Variants in COL21A1 observed in about 807,000 individuals in gnomAD.
COL21A1 encodes collagen type XXI alpha 1 chain.
In COL21A1, 149 loss-of-function variants were observed where a neutral mutation model predicts 137.9. The observed-to-expected ratio is 1.08, with a 90% CI of 0.95 to 1.24. The LOEUF is 1.24. COL21A1 is among the 50% of genes most tolerant of loss of function. COL21A1 has a pLI of 0.00. For missense variants in COL21A1, 1,167 were observed against 1,158.4 expected (o/e 1.01, Z -0.11); for synonymous variants, 456 against 391.5 (o/e 1.16, Z -1.95).
At chr6:56,119,733 G>A (rs1772283003) in intron 16 of COL21A1, among the ~76,000 whole-genome samples, 1 of 152,076 alleles carries the variant, frequency 6.6e-6, no homozygotes, top group Non-Finnish European at 1.5e-5. Flanking sequence ...AAACAGAACA[G>A]AGAACCCAGA....
chr6:56,197,104 A>T (rs1205885934), intron 1 of COL21A1, among the ~76,000 whole-genome samples: 3 of 152,092 alleles, frequency 2.0e-5, no homozygotes, highest in Admixed American at 2.0e-4. Context: ...AATTTTCCAC[A>T]AAATGTCAAG....
In COL21A1 at chr6:56,255,742, C is replaced by T. The variant is rs565348918; in HGVS notation, c.-38-73086G>A. Among the ~76,000 whole-genome samples, 4 of 152,300 alleles carry T rather than the reference C, an allele frequency of 2.6e-5. No individual in the cohort carries two copies. In the East Asian group the frequency reaches 7.7e-4, roughly 29 times the overall value. On this transcript the variant is annotated intron_variant, in intron 1 of 28. Transcript: ENST00000370819. ...GAACCTGTGTATCTGAAAGATGTGG[C>T]TTCACCCTCAATGCTTCTAAAAGCT...
At chr6:56,108,966 CTT>C (rs1463715809) in intron 16 of COL21A1, among the ~76,000 whole-genome samples, 1 of 151,686 alleles carries the variant, frequency 6.6e-6, no homozygotes, top group Non-Finnish European at 1.5e-5. Context: ...ACTTTTAACT[CTT>C]TAAACAACTT....
intron 3 of COL21A1, among the ~76,000 whole-genome samples, chr6:56,176,311 GA>G (rs544091509): frequency 2.1e-3 from 315 of 150,392 alleles, no homozygotes; most frequent in Middle Eastern, 0.01. Context: ...CAGCAAAGGA[GA>G]AAAAAAACTC....
chr6:56,190,037 G>A lies in COL21A1; in HGVS notation c.-38-7381C>T, dbSNP rs189822579. ...AACATACACAATTGTAAAGACCATC[G>A]ACACCATGAAGAAACAAATTCAAAA... On this transcript the variant is annotated intron_variant, in intron 1 of 29. Transcript: ENST00000244728. Among the ~76,000 whole-genome samples the A allele has an allele frequency of 5.9e-5, 9 of 151,974 alleles. No homozygotes were observed. In the South Asian group the frequency reaches 8.3e-4, roughly 14 times the overall value.
At chr6:56,250,029 C>T (rs1417145423), upstream of COL21A1, among the ~76,000 whole-genome samples, 1 of 152,164 alleles carries the variant, frequency 6.6e-6, no homozygotes, top group East Asian at 1.9e-4. Context: ...TTTGTCATGG[C>T]TCTCTAGAGA....
intron 1 of COL21A1, among the ~76,000 whole-genome samples, chr6:56,211,175 ATACATATATATGTATATATG>A (rs1475610162): frequency 6.0e-4 from 7 of 11,640 alleles, no homozygotes; most frequent in African/African-American, 4.4e-3. Context: ...ATATGTATAT[ATACATATATATGTATATATG>A]TATATATACA....
intron 17 of COL21A1, among the ~76,000 whole-genome samples, chr6:56,098,753 T>C (rs1480867852): frequency 7.7e-6 from 1 of 129,682 alleles, no homozygotes; most frequent in African/African-American, 2.9e-5. Context: ...TCTTGCTCTG[T>C]CGCCCAGGCT....
At chr6:56,310,930 C>T (rs1385566229) in intron 1 of COL21A1, among the ~76,000 whole-genome samples, 9 of 151,978 alleles carry the variant, frequency 5.9e-5, no homozygotes, top group African/African-American at 2.2e-4. Flanking sequence ...CATAAGCATA[C>T]TTGAGTTGAC....
intron 5 of COL21A1, among the ~76,000 whole-genome samples, chr6:56,169,135 A>T (rs146730486): frequency 7.6e-4 from 116 of 152,074 alleles, no homozygotes; most frequent in Middle Eastern, 3.4e-3. Context: ...CTTGACTCAA[A>T]TTCATTTCTT....
rs1333348121 is a variant in COL21A1, at chr6:56,151,087, G to A, written c.1434+5800C>T. The stretch of plus-strand genomic sequence containing the variant: ...AAATACAAAAAAAAATTGACCGGGC[G>A]TGGTGGCAGGTGCCTGTAGTCCCAG... On this transcript the variant is annotated intron_variant, in intron 10 of 29. Coordinates refer to ENST00000244728, the MANE Select transcript of COL21A1 (RefSeq NM_030820.4). 2.0e-5 allele frequency among the ~76,000 whole-genome samples: 3 copies of A among 152,048 alleles called. No individual in the cohort carries two copies. In the South Asian group the frequency reaches 6.2e-4, roughly 32 times the overall value.
intron 1 of COL21A1, among the ~76,000 whole-genome samples, chr6:56,293,420 G>C (rs980701161): frequency 2.0e-5 from 3 of 151,988 alleles, no homozygotes; most frequent in Non-Finnish European, 4.4e-5. Flanking sequence ...AGATGAATGA[G>C]CTGATGAATA....
rs191685936 is a variant in COL21A1, at chr6:56,127,991, T to C, written c.1543-1842A>G. ...CACTTCCAAGCTCCATCCCCATCCA[T>C]ACGTCACATAAACAGGCTCCTCTCA... is the stretch of plus-strand genomic sequence containing the variant. On this transcript the variant is annotated intron_variant, in intron 12 of 29. Transcript: ENST00000244728. 2.6e-3 allele frequency among the ~76,000 whole-genome samples: 403 copies of C among 152,252 alleles called. 1 individual carries two copies. The highest frequency in any genetic ancestry group is 4.4e-3 in the Non-Finnish European group (301 of 68,000).
At chr6:56,295,979 G>A (rs559025597) in intron 1 of COL21A1, among the ~76,000 whole-genome samples, 1 of 151,968 alleles carries the variant, frequency 6.6e-6, no homozygotes, top group African/African-American at 2.4e-5. Flanking sequence ...TTGAATAGGG[G>A]TAGTGAGAGG....
chr6:56,260,615 AAG>A lies in COL21A1; in HGVS notation c.-38-77961_-38-77960del, dbSNP rs1273275847. ...AGAAGAAGAAGAAGAAGAAGAAAGA[AAG>A]AGAGAGAGAGGAAGGAAGGAAGGAA... On this transcript the variant is annotated intron_variant, in intron 1 of 28. Coordinates refer to the COL21A1 transcript ENST00000370819. Among the ~76,000 whole-genome samples the A allele has an allele frequency of 2.2e-3, 209 of 96,054 alleles. 2 individuals carry two copies. The highest frequency in any genetic ancestry group is 5.6e-3 in the African/African-American group (168 of 30,224). The allele number at this position is 96,054 out of a possible 152,430, so 63.0% of individuals were successfully genotyped here.
At chr6:56,298,349 T>C (rs4348306) in intron 1 of COL21A1, among the ~76,000 whole-genome samples, 128,292 of 152,114 alleles carry the variant, frequency 0.84, 56,084 homozygotes, top group South Asian at 0.97. Context: ...GGTGGTGTCG[T>C]GTATCATTCT....
At chr6:56,301,879 C>A (rs1016378564) in intron 1 of COL21A1, among the ~76,000 whole-genome samples, 1 of 151,602 alleles carries the variant, frequency 6.6e-6, no homozygotes, top group Non-Finnish European at 1.5e-5. Flanking sequence ...CACAACAGGC[C>A]CCGGTGTGTG....
intron 17 of COL21A1, among the ~76,000 whole-genome samples, chr6:56,097,963 AT>A (rs1473308553): frequency 3.4e-3 from 242 of 71,892 alleles, no homozygotes; most frequent in African/African-American, 0.01. Context: ...AAAAATATAT[AT>A]AAATATATAA....
At chr6:56,306,874 A>G (rs1764473568) in intron 1 of COL21A1, among the ~76,000 whole-genome samples, 1 of 151,846 alleles carries the variant, frequency 6.6e-6, no homozygotes. Flanking sequence ...TTTGTCTTTG[A>G]TGATGGTGAC....
Sources: allele counts gnomAD v4.1 joint callset (sites outside exome capture counted in the v4.1 genomes callset), GRCh38; gene constraint gnomAD v4.1.1; transcripts MANE v1.5; gene names NCBI Gene and HGNC (gene_info 2026-07-23, HGNC 2026-07-21).